Variants in VWC2 observed in about 807,000 individuals in gnomAD.
VWC2 encodes von Willebrand factor C domain containing 2, also known as brorin.
A neutral mutation model predicts 29.8 loss-of-function variants in VWC2; 14 were observed. The ratio of observed to expected loss-of-function variants is 0.47; its 90% CI spans 0.31 to 0.74. The LOEUF is 0.74. Ranked by LOEUF, VWC2 falls within the 30% of genes least tolerant of loss-of-function variation. The probability of loss-of-function intolerance (pLI) is 0.05; values close to 1 mark genes in which losing one functional copy is unlikely to be tolerated. For missense variants in VWC2, 457 were observed against 459.8 expected (o/e 0.99, Z 0.05); for synonymous variants, 213 against 199.0 (o/e 1.07, Z -0.59).
chr7:49,830,498 C>T (rs546044110), intron 3 of VWC2, among the ~76,000 whole-genome samples: 38 of 152,216 alleles, frequency 2.5e-4, no homozygotes, highest in Non-Finnish European at 4.4e-4. Context: ...TTTTATTTAA[C>T]GCTACTCTTT....
intron 3 of VWC2, among the ~76,000 whole-genome samples, chr7:49,898,178 G>T (rs1268661723): frequency 2.0e-5 from 3 of 151,710 alleles, no homozygotes; most frequent in African/African-American, 7.3e-5. Flanking sequence ...ATGTGTGTGT[G>T]TATATATGTG....
At chr7:49,804,165 T>C (rs553897216) in intron 3 of VWC2, among the ~76,000 whole-genome samples, 1 of 151,538 alleles carries the variant, frequency 6.6e-6, no homozygotes, top group East Asian at 1.9e-4. Flanking sequence ...GGAGTGTGTT[T>C]TTTTTTTAAA....
chr7:49,816,465 GATCAAAAGTTTAAGAA>G (rs1789147290), intron 3 of VWC2, among the ~76,000 whole-genome samples: 1 of 152,150 alleles, frequency 6.6e-6, no homozygotes, highest in Non-Finnish European at 1.5e-5. Flanking sequence ...GGTAGGGGGA[GATCAAAAGTTTAAGAA>G]TGGGGCTCCA....
At chr7:49,845,420 G>A (rs692185) in intron 3 of VWC2, among the ~76,000 whole-genome samples, 7,069 of 152,250 alleles carry the variant, frequency 0.046, 540 homozygotes, top group African/African-American at 0.16. Context: ...AACAATGCTT[G>A]TGATTATTAC....
chr7:49,861,005 A>G (rs958857894), intron 3 of VWC2, among the ~76,000 whole-genome samples: 3 of 152,220 alleles, frequency 2.0e-5, no homozygotes, highest in African/African-American at 7.2e-5. Context: ...GGTATTTTAA[A>G]TGGTAGCTCT....
intron 3 of VWC2, among the ~76,000 whole-genome samples, chr7:49,857,009 C>CAAAAAAAAAAAAAAAAAAAA (rs59910243): frequency 7.6e-5 from 4 of 52,786 alleles, no homozygotes; most frequent in Admixed American, 7.7e-4. Context: ...GATACTGTCT[C>CAAAAAAAAAAAAAAAAAAAA]AAAAAAAAAA....
intron 3 of VWC2, among the ~76,000 whole-genome samples, chr7:49,809,694 T>G (rs1376574028): frequency 6.6e-6 from 1 of 152,030 alleles, no homozygotes; most frequent in Non-Finnish European, 1.5e-5. Context: ...TGCAGTTGAT[T>G]TCAGTCATGC....
At chr7:49,871,020 C>G (rs1047417496) in intron 3 of VWC2, among the ~76,000 whole-genome samples, 2 of 152,186 alleles carry the variant, frequency 1.3e-5, no homozygotes, top group Middle Eastern at 6.8e-3. Context: ...AATGCAAAAC[C>G]ATGAAAAGTA....
chr7:49,873,696 A>G (rs564469930), intron 3 of VWC2, among the ~76,000 whole-genome samples: 40 of 152,312 alleles, frequency 2.6e-4, no homozygotes, highest in African/African-American at 9.1e-4. Context: ...TGATAAAGAG[A>G]TGCTCTCATG....
intron 3 of VWC2, among the ~76,000 whole-genome samples, chr7:49,836,086 TCA>T (rs1562723966): frequency 2.6e-5 from 4 of 152,222 alleles, no homozygotes. Context: ...CATTCTGAGT[TCA>T]GATAGAAGTC....
At chr7:49,890,310 GC>G (rs1792074198) in intron 3 of VWC2, among the ~76,000 whole-genome samples, 1 of 152,164 alleles carries the variant, frequency 6.6e-6, no homozygotes, top group Non-Finnish European at 1.5e-5. Flanking sequence ...AGGGACACAT[GC>G]AAAATTGTAT....
intron 3 of VWC2, among the ~76,000 whole-genome samples, chr7:49,890,142 A>C (rs1792068916): frequency 6.6e-6 from 1 of 152,228 alleles, no homozygotes; most frequent in Non-Finnish European, 1.5e-5. Context: ...GAATATTAAC[A>C]CAGATGAAGC....
intron 3 of VWC2, among the ~76,000 whole-genome samples, chr7:49,886,197 T>C (rs536555620): frequency 1.3e-5 from 2 of 152,294 alleles, no homozygotes; most frequent in African/African-American, 2.4e-5. Flanking sequence ...GTGAGGGAAG[T>C]GAGGGGACCT....
chr7:49,830,895 C>T lies in VWC2; in HGVS notation c.826+28055C>T, dbSNP rs566138512. On this transcript the variant is annotated intron_variant, in intron 3 of 3. Coordinates refer to ENST00000340652, the MANE Select transcript of VWC2 (RefSeq NM_198570.5). ...AGTATTCCATGGTGTATATGTGCCA[C>T]ATTTTCTTAATCCAGTCTATCATTG... is the stretch of plus-strand genomic sequence containing the variant. Among the ~76,000 whole-genome samples, 6 of 152,254 alleles carry T rather than the reference C, an allele frequency of 3.9e-5. No individual in the cohort carries two copies. The South Asian group carries it at 1.2e-3, about 32-fold the overall frequency.
intron 3 of VWC2, among the ~76,000 whole-genome samples, chr7:49,826,300 A>G (rs1373649672): frequency 3.3e-5 from 5 of 152,196 alleles, no homozygotes; most frequent in Admixed American, 1.3e-4. Flanking sequence ...GAAATCTTTA[A>G]CAAGTGAGTT....
At chr7:49,791,648 T>C (rs1478550985) in intron 2 of VWC2, among the ~76,000 whole-genome samples, 1 of 152,182 alleles carries the variant, frequency 6.6e-6, no homozygotes, top group Non-Finnish European at 1.5e-5. Flanking sequence ...TTTTTCTGAG[T>C]GCCCCCTCCA....
At chr7:49,815,318 G>A (rs960890793) in intron 3 of VWC2, among the ~76,000 whole-genome samples, 2 of 152,160 alleles carry the variant, frequency 1.3e-5, no homozygotes, top group African/African-American at 2.4e-5. Flanking sequence ...GCATCACAAT[G>A]TATATGGCCT....
intron 3 of VWC2, among the ~76,000 whole-genome samples, chr7:49,833,700 TAGA>T (rs1789589630): frequency 6.6e-6 from 1 of 152,210 alleles, no homozygotes; most frequent in Non-Finnish European, 1.5e-5. Context: ...CCTCTAATGT[TAGA>T]AGATCACTCA....
In VWC2 at chr7:49,845,375, A is replaced by C. The variant is rs149653114; in HGVS notation, c.826+42535A>C. ...GTTAAGCATCTATGGTTTCTATAGA[A>C]ACTTAGATTTTCACACACAATCTAT... On this transcript the variant is annotated intron_variant, in intron 3 of 3. Transcript: ENST00000340652. Among the ~76,000 whole-genome samples the C allele has an allele frequency of 4.5e-3, 689 of 152,328 alleles. 3 individuals are homozygous for C. The highest frequency in any genetic ancestry group is 0.016 in the African/African-American group (657 of 41,572).
Sources: gnomAD v4.1 joint callset for allele counts (sites outside exome capture counted in the v4.1 genomes callset) on GRCh38, gnomAD v4.1.1 for gene constraint, MANE v1.5 for transcripts, NCBI Gene and HGNC (gene_info 2026-07-23, HGNC 2026-07-21) for gene names.